The following CKAP5 variants were observed in gnomAD, a reference collection of about 807,000 sequenced individuals.
CKAP5 encodes cytoskeleton-associated protein 5.
In CKAP5, 27 loss-of-function variants were observed where a neutral mutation model predicts 232.8. That is an observed-to-expected ratio of 0.12 (90% CI 0.09 to 0.16). The LOEUF (loss-of-function observed/expected upper bound fraction) is 0.16, where lower values mean the gene tolerates loss of function less well. Ranked by LOEUF, CKAP5 falls within the 10% of genes least tolerant of loss-of-function variation. The pLI, the probability that CKAP5 is intolerant of heterozygous loss-of-function variation, is 1.00. For missense variants in CKAP5, 1,838 were observed against 2,424.7 expected (o/e 0.76, Z 5.08); for synonymous variants, 785 against 841.1 (o/e 0.93, Z 1.16).
chr11:46,832,746 A>G (rs1354151602), intron 1 of CKAP5, among the ~76,000 whole-genome samples: 4 of 152,208 alleles, frequency 2.6e-5, no homozygotes, highest in Non-Finnish European at 5.9e-5. Flanking sequence ...AACATGACTC[A>G]TCTAATCATT....
At chr11:46,795,555 C>G in intron 13 of CKAP5, 39 bp downstream of exon 13, 1 of 1,541,624 alleles carries the variant, frequency 6.5e-7, no homozygotes, top group Non-Finnish European at 8.8e-7. Context: ...AGACTCAGAC[C>G]CTTCCTTACT....
intron 1 of CKAP5, among the ~76,000 whole-genome samples, chr11:46,829,834 T>TTGTGTGTGTGTG (rs749138690): frequency 9.0e-6 from 1 of 110,628 alleles, no homozygotes; most frequent in Non-Finnish European, 2.0e-5. Flanking sequence ...AATTCCTTTT[T>TTGTGTGTGTGTG]TGTATGTGTG....
intron 28 of CKAP5, among the ~76,000 whole-genome samples, chr11:46,763,911 C>T (rs936821077): frequency 1.3e-5 from 2 of 152,182 alleles, no homozygotes; most frequent in African/African-American, 4.8e-5. Context: ...TCATAGATCA[C>T]TGTAGCATTA....
chr11:46,767,530 A>G, intron 27 of CKAP5, 45 bp downstream of exon 27: 1 of 1,234,256 alleles, frequency 8.1e-7, no homozygotes, highest in East Asian at 2.3e-5. Flanking sequence ...TATATAAAAT[A>G]TATTTAAAAG....
chr11:46,809,798 T>G lies in CKAP5; in HGVS notation c.707A>C (p.Gln236Pro). ...TTGTTCCAATTTAGCTTCTAGTTCT[T>G]GTTGGGAACGAAGAAATCGAGTAGG... ...PRPTRFLRSQQELEAKLEQQQ... is the reference protein window; with the variant it reads ...PRPTRFLRSQPELEAKLEQQQ... The change falls in exon 6 of 44, where the codon CAA becomes CCA. Residue 236 changes from glutamine (Q) to proline (P), a missense_variant. Physicochemically the swap from Gln to Pro is moderately conservative, Grantham distance 76 (BLOSUM62 -1). Around this residue, in one of 6 missense-constraint regions of CKAP5, gnomAD observed 285 missense variants for 300.0 expected, o/e 0.95. Coordinates refer to ENST00000529230, the MANE Select transcript of CKAP5 (RefSeq NM_001008938.4). 6.2e-7 allele frequency: 1 copy of G among 1,614,156 alleles called. No individual in the cohort carries two copies. Among genetic ancestry groups the G allele is most frequent in the Non-Finnish European group, 8.5e-7 (1 of 1,180,022 alleles).
intron 36 of CKAP5, among the ~76,000 whole-genome samples, chr11:46,754,246 C>A (rs1340941532): frequency 6.6e-6 from 1 of 152,186 alleles, no homozygotes; most frequent in African/African-American, 2.4e-5. Context: ...ATCCACCCGC[C>A]TTGGCCTCCC....
At chr11:46,812,786 C>A (rs767621733) in intron 4 of CKAP5, among the ~76,000 whole-genome samples, 2 of 152,032 alleles carry the variant, frequency 1.3e-5, no homozygotes, top group Admixed American at 1.3e-4. Flanking sequence ...TACAGAGGGG[C>A]ACCACCATGC....
chr11:46,757,753 A>C (rs1004571793), intron 35 of CKAP5, among the ~76,000 whole-genome samples: 1 of 150,986 alleles, frequency 6.6e-6, no homozygotes, highest in Non-Finnish European at 1.5e-5. Flanking sequence ...ATGCCCAGCT[A>C]ATTTTTGTAT....
intron 42 of CKAP5, among the ~76,000 whole-genome samples, chr11:46,746,172 CA>C (rs1184678243): frequency 6.6e-6 from 1 of 152,126 alleles, no homozygotes; most frequent in East Asian, 1.9e-4. Flanking sequence ...AGGTGAATGT[CA>C]CTAAACTCGG....
At chr11:46,819,411 CAAAGAA>C (rs1319050704) in intron 2 of CKAP5, among the ~76,000 whole-genome samples, 1 of 151,704 alleles carries the variant, frequency 6.6e-6, no homozygotes, top group Non-Finnish European at 1.5e-5. Context: ...CTATGAAGGC[CAAAGAA>C]AAGATTCCAC....
In CKAP5 at chr11:46,743,268, G is replaced by A. The variant is rs2064998211; in HGVS notation, c.*755C>T. On this transcript the variant is annotated 3_prime_UTR_variant, in exon 44 of 44. Transcript: ENST00000529230. ...TGCCCAAGAGCTTCTTGAAACGACT[G>A]GTGATAATTGGAGGGAAATCATGAC... 6.6e-6 allele frequency: 1 copy of A among 152,156 alleles called. No individual in the cohort carries two copies. Among genetic ancestry groups the A allele is most frequent in the Non-Finnish European group, 1.5e-5 (1 of 68,032 alleles). The allele number at this position is 152,156 out of a possible 1,614,324, so 9.4% of individuals were successfully genotyped here. A position where few individuals can be genotyped will look rare whatever the true frequency, so the allele number is the denominator to read the frequency against.
At chr11:46,767,795 A>AT in intron 26 of CKAP5, 132 bp from the exon 27 acceptor site, 1 of 553,848 alleles carries the variant, frequency 1.8e-6, no homozygotes, top group Non-Finnish European at 3.0e-6. Context: ...GTTTTCAGTT[A>AT]GTTTTTTTTT....
chr11:46,798,071 C>G lies in CKAP5; in HGVS notation c.1173+12G>C, dbSNP rs1344766421. ...CTTCAGATAAAACTACAAACTCATG[C>G]TGTCAACTTACAGTAAGGAAGATTG... On this transcript the variant is annotated intron_variant, in intron 10 of 43. Coordinates refer to ENST00000529230, the MANE Select transcript of CKAP5 (RefSeq NM_001008938.4). The G allele has an allele frequency of 1.2e-6, 2 of 1,611,898 alleles. No individual in the cohort carries two copies. Among genetic ancestry groups the G allele is most frequent in the East Asian group, 2.2e-5 (1 of 44,856 alleles).
chr11:46,805,769 C>T (rs1267604014), intron 8 of CKAP5, among the ~76,000 whole-genome samples: 5 of 152,130 alleles, frequency 3.3e-5, no homozygotes, highest in Admixed American at 3.3e-4. Context: ...AACCCCGTCT[C>T]TACTAAAAAC....
intron 9 of CKAP5, among the ~76,000 whole-genome samples, chr11:46,800,102 A>G (rs1938992554): frequency 6.6e-6 from 1 of 152,192 alleles, no homozygotes; most frequent in Admixed American, 6.5e-5. Flanking sequence ...AAAGTGTAAA[A>G]TATCCTAAGT....
chr11:46,744,175 A>G lies in CKAP5; in HGVS notation c.5947T>C (p.Ser1983Pro), dbSNP rs867047097. 1.2e-6 allele frequency: 2 copies of G among 1,613,944 alleles called. No homozygotes were observed. Among genetic ancestry groups the G allele is most frequent in the Middle Eastern group, 1.6e-4 (1 of 6,084 alleles). Residue 1983 changes from serine (S) to proline (P), a missense_variant, in exon 44 of 44, where the codon TCT becomes CCT. Around this residue, in one of 6 missense-constraint regions of CKAP5, gnomAD observed 62 missense variants for 61.1 expected, o/e 1.01. Coordinates refer to ENST00000529230, the MANE Select transcript of CKAP5 (RefSeq NM_001008938.4). ...TGCTCCCGTGACTCCCGGAGCTGAGAGAGTTTGCTGTGGAGCATGTCTGTG... is the reference window on the plus strand; with the variant it reads ...TGCTCCCGTGACTCCCGGAGCTGAGGGAGTTTGCTGTGGAGCATGTCTGTG... ...SSTDMLHSKL[S>P]QLRESREQHQ...
At chr11:46,771,013 C>G in intron 24 of CKAP5, 31 bp from the exon 25 acceptor site, 1 of 1,574,438 alleles carries the variant, frequency 6.4e-7, no homozygotes, top group South Asian at 1.1e-5. Flanking sequence ...TAGTTACACA[C>G]TTCAAATGAA....
intron 1 of CKAP5, among the ~76,000 whole-genome samples, chr11:46,831,880 T>C (rs904804996): frequency 1.2e-4 from 18 of 150,538 alleles, no homozygotes; most frequent in Admixed American, 8.0e-4. Flanking sequence ...TTTTTTTTTT[T>C]CTGAGACAGG....
chr11:46,751,493 A>C lies in CKAP5; in HGVS notation c.5175T>G (p.Asn1725Lys). 2.5e-6 allele frequency: 4 copies of C among 1,613,902 alleles called. No individual in the cohort carries two copies. Among genetic ancestry groups the C allele is most frequent in the Non-Finnish European group, 3.4e-6 (4 of 1,179,938 alleles). The part of the protein sequence containing the change: ...RMVRLLPDTI[N>K]SINLDRILLD... Reference sequence around the variant, plus strand: ...GAAGAATTCTGTCTAGGTTAATGCTATTGATGGTATCAGGCAACAGTCGAA... The same window carrying C: ...GAAGAATTCTGTCTAGGTTAATGCTCTTGATGGTATCAGGCAACAGTCGAA... Residue 1725 changes from asparagine (N) to lysine (K), a missense_variant, in exon 39 of 44, where the codon AAT becomes AAG. Transcript: ENST00000529230.
Sources: allele counts gnomAD v4.1 joint callset (sites outside exome capture counted in the v4.1 genomes callset), GRCh38; gene constraint gnomAD v4.1.1; regional missense constraint gnomAD v4.1.1; transcripts MANE v1.5; gene names NCBI Gene and HGNC (gene_info 2026-07-23, HGNC 2026-07-21).